The following NEK10 variants were observed in gnomAD, a reference collection of about 807,000 sequenced individuals.
NEK10 encodes the protein NIMA related kinase 10.
In NEK10, 122 loss-of-function variants were observed where a neutral mutation model predicts 159.8. The observed-to-expected ratio is 0.76, with a 90% CI of 0.66 to 0.89. The LOEUF is 0.89. Ranked by LOEUF, NEK10 falls within the 40% of genes least tolerant of loss-of-function variation. The pLI is 0.00. For synonymous variants in NEK10, 466 were observed against 457.1 expected (o/e 1.02, Z -0.25); for missense variants, 1,342 against 1,323.1 (o/e 1.01, Z -0.22).
chr3:27,215,865 G>A, intron 23 of NEK10: 1 of 716,730 alleles, frequency 1.4e-6, no homozygotes, highest in Non-Finnish European at 2.6e-6. Context: ...GAGAGCGAAG[G>A]TAGAGGTGCT....
At chr3:27,284,325 G>A (rs1429142843) in intron 22 of NEK10, among the ~76,000 whole-genome samples, 1 of 152,172 alleles carries the variant, frequency 6.6e-6, no homozygotes, top group East Asian at 1.9e-4. Context: ...GGTGGAGGTT[G>A]CAGTGAGCTG....
chr3:27,327,617 C>G (rs1453285498), intron 5 of NEK10, among the ~76,000 whole-genome samples: 1 of 152,104 alleles, frequency 6.6e-6, no homozygotes, highest in Non-Finnish European at 1.5e-5. Flanking sequence ...GTGAGGGTTC[C>G]AAGTAAAAAG....
At chr3:27,352,987 A>T in intron 1 of NEK10, 68 bp from the exon 2 acceptor site, 1 of 692,536 alleles carries the variant, frequency 1.4e-6, no homozygotes, top group South Asian at 1.7e-5. Flanking sequence ...CAGTTAATAC[A>T]GACAAAACCC....
Position 27,192,077 on chromosome 3 carries a change from G to A in NEK10, c.2457C>T (p.Ala819=). The change falls in exon 26 of 36, where the codon GCC becomes GCT. Residue 819 remains alanine, a synonymous_variant. Coordinates refer to ENST00000691995, the MANE Select transcript of NEK10 (RefSeq NM_001394966.1). The part of the protein sequence containing the change: ...RRRTQRYFME[A]NRNTVTCHHE... ...GGTGACATGTGACGGTGTTCCGGTT[G>A]GCTTCCATAAAATACCTTTGTGTGC... The A allele has an allele frequency of 6.2e-7, 1 of 1,614,162 alleles. No homozygotes were observed. The highest frequency in any genetic ancestry group is 8.5e-7 in the Non-Finnish European group (1 of 1,180,018).
intron 31 of NEK10, among the ~76,000 whole-genome samples, chr3:27,133,339 C>T (rs1362832192): frequency 1.3e-5 from 2 of 152,106 alleles, no homozygotes; most frequent in Non-Finnish European, 2.9e-5. Context: ...AGAATAGGGC[C>T]TACAGGGAGG....
chr3:27,124,860 A>G (rs1000237438), intron 32 of NEK10, among the ~76,000 whole-genome samples: 6 of 152,182 alleles, frequency 3.9e-5, no homozygotes, highest in Admixed American at 6.5e-5. Context: ...AGAGGCCCCA[A>G]TGGCTAGATG....
intron 23 of NEK10, among the ~76,000 whole-genome samples, chr3:27,221,599 G>A (rs183108348): frequency 6.6e-6 from 1 of 152,286 alleles, no homozygotes; most frequent in African/African-American, 2.4e-5. Context: ...TATGGCTGCA[G>A]GCCAAAATCC....
intron 5 of NEK10, among the ~76,000 whole-genome samples, chr3:27,329,428 G>T (rs1263971625): frequency 3.9e-5 from 6 of 152,176 alleles, no homozygotes; most frequent in Non-Finnish European, 7.4e-5. Context: ...TTTGGGGATT[G>T]GTTGATTTTT....
At position 27,308,978 on chromosome 3, in the gene NEK10, C is replaced by A. The variant is rs774892094; in HGVS notation, c.664G>T (p.Asp222Tyr). ...KTLVNLLGAR[D>Y]TNVLLGSLLA... ...AGGGAACCCAATAGAACATTAGTAT[C>A]TCGGGCACCAAGTAAATTTACTAAT... The change falls in exon 10 of 36, where the codon GAT becomes TAT. Residue 222 changes from aspartate (D) to tyrosine (Y), a missense_variant. Asp to Tyr is a radical substitution (Grantham distance 160). Coordinates refer to ENST00000691995, the MANE Select transcript of NEK10 (RefSeq NM_001394966.1). 2.4e-5 allele frequency: 38 copies of A among 1,597,516 alleles called. No homozygotes were observed. The highest frequency in any genetic ancestry group is 2.9e-5 in the Non-Finnish European group (34 of 1,166,792).
At chr3:27,176,558 C>T (rs1458764724) in intron 26 of NEK10, among the ~76,000 whole-genome samples, 1 of 152,194 alleles carries the variant, frequency 6.6e-6, no homozygotes, top group Non-Finnish European at 1.5e-5. Flanking sequence ...AGGCTCAAAA[C>T]TTTATTGCAA....
intron 1 of NEK10, among the ~76,000 whole-genome samples, chr3:27,360,172 G>A (rs1268100835): frequency 2.0e-5 from 3 of 152,138 alleles, no homozygotes; most frequent in African/African-American, 7.2e-5. Context: ...GTTCTTCAAT[G>A]GGAACTATAT....
At chr3:27,138,883 C>T (rs1943496050) in intron 31 of NEK10, among the ~76,000 whole-genome samples, 1 of 152,188 alleles carries the variant, frequency 6.6e-6, no homozygotes, top group African/African-American at 2.4e-5. Flanking sequence ...CTGTTCTTGA[C>T]TAGTAAACAG....
chr3:27,266,354 A>G (rs371824691), intron 22 of NEK10, among the ~76,000 whole-genome samples: 2 of 152,144 alleles, frequency 1.3e-5, no homozygotes, highest in African/African-American at 2.4e-5. Context: ...GCTAATTTTT[A>G]TATAAGATAC....
intron 26 of NEK10, among the ~76,000 whole-genome samples, chr3:27,191,104 T>C (rs113678326): frequency 0.012 from 1,756 of 152,326 alleles, 11 homozygotes; most frequent in South Asian, 0.021. Flanking sequence ...GTACTTTCCT[T>C]CTTTTCAGAA....
At chr3:27,145,599 T>C (rs116559949) in intron 30 of NEK10, among the ~76,000 whole-genome samples, 218 of 152,272 alleles carry the variant, frequency 1.4e-3, no homozygotes, top group African/African-American at 5.1e-3. Context: ...GCAGTCCTTC[T>C]TTTTTAGCAA....
In NEK10 at chr3:27,243,895, A is replaced by C. The variant is rs138223672; in HGVS notation, c.2090+12401T>G. Among the ~76,000 whole-genome samples, 583 of 151,598 alleles carry C rather than the reference A, an allele frequency of 3.8e-3. 4 individuals are homozygous for C. Among genetic ancestry groups the C allele is most frequent in the African/African-American group, 0.014 (558 of 41,270 alleles). On this transcript the variant is annotated intron_variant, in intron 23 of 35. Coordinates refer to ENST00000691995, the MANE Select transcript of NEK10 (RefSeq NM_001394966.1). ...TGTCCGTGTCCCCAAATTAAATTGA[A>C]TTCTTCTAGTGGTAAAGAACTAAGT...
chr3:27,292,701 G>A (rs543793241), intron 16 of NEK10, among the ~76,000 whole-genome samples: 1 of 150,484 alleles, frequency 6.6e-6, no homozygotes, highest in Non-Finnish European at 1.5e-5. Context: ...AGGTGTGGTG[G>A]TGCATGCCTG....
Position 27,304,779 on chromosome 3 carries a change from T to C in NEK10, c.996A>G (p.Gly332=), listed in dbSNP as rs2044107021. Residue 332 remains glycine (G), a synonymous_variant, in exon 12 of 36, where the codon GGA becomes GGG. Transcript: ENST00000691995. ...AAATATGAAGAAGCTGTTTGATGCC[T>C]CCCCAAATGCGAATTTCCACGCTGG... is the stretch of plus-strand genomic sequence containing the variant. ...PETSVEIRIW[G]GIKQLLHILQ... 1 of 1,613,476 alleles carries C rather than the reference T, an allele frequency of 6.2e-7. No individual in the cohort carries two copies. The highest frequency in any genetic ancestry group is 1.7e-5 in the Admixed American group (1 of 59,970).
chr3:27,160,788 C>T (rs1052701037), intron 30 of NEK10, among the ~76,000 whole-genome samples: 2 of 152,060 alleles, frequency 1.3e-5, no homozygotes, highest in African/African-American at 4.8e-5. Context: ...CGCCTGTAAT[C>T]CCAGCTACTC....
Sources: gnomAD v4.1 joint callset for allele counts (sites outside exome capture counted in the v4.1 genomes callset) on GRCh38, gnomAD v4.1.1 for gene constraint, MANE v1.5 for transcripts, NCBI Gene and HGNC (gene_info 2026-07-23, HGNC 2026-07-21) for gene names.